Variants in SLC35H1 observed in about 807,000 individuals in gnomAD.
The protein encoded by SLC35H1 is solute carrier family 35 member H1.
At chr20:46,355,216 A>G in the SLC35H1 span, 3 of 1,613,882 alleles carry the variant, frequency 1.9e-6, no homozygotes, top group Non-Finnish European at 2.5e-6. This position sits in a 1 kb window ranked among gnomAD's most constrained non-coding sequence, Gnocchi z 4.8. Context: ...GGCGATGAGG[A>G]GGACCACCAG....
the SLC35H1 span, chr20:46,356,567 T>C: frequency 1.2e-6 from 2 of 1,613,848 alleles, no homozygotes; most frequent in Non-Finnish European, 1.7e-6. Context: ...GCATGGCCAG[T>C]ACTCACAGCG....
At chr20:46,355,484 G>T in the SLC35H1 span, 4 of 624,708 alleles carry the variant, frequency 6.4e-6, no homozygotes, top group Non-Finnish European at 1.1e-5. The surrounding 1 kb of genome is among the most constrained non-coding windows in gnomAD (Gnocchi z 4.8). Context: ...GCTGTCCTAG[G>T]CCCCCAAGTG....
the SLC35H1 span, chr20:46,358,955 T>C: frequency 1.7e-6 from 1 of 602,762 alleles, no homozygotes; most frequent in South Asian, 1.9e-5. Context: ...GCCACCAAAG[T>C]GACCTTTTAA....
At chr20:46,353,649 G>A in the SLC35H1 span, among the ~76,000 whole-genome samples, 2 of 152,212 alleles carry the variant, frequency 1.3e-5, no homozygotes, top group Non-Finnish European at 2.9e-5. Context: ...GGGAAGAGCA[G>A]CATAAGTAAT....
the SLC35H1 span, among the ~76,000 whole-genome samples, chr20:46,353,970 C>G: frequency 3.3e-5 from 5 of 151,952 alleles, no homozygotes; most frequent in Non-Finnish European, 7.4e-5. Context: ...GGATGTGGGA[C>G]AGAATTTTCT....
chr20:46,355,960 A>G, the SLC35H1 span: 2 of 1,584,670 alleles, frequency 1.3e-6, no homozygotes, highest in Non-Finnish European at 1.7e-6. This position sits in a 1 kb window ranked among gnomAD's most constrained non-coding sequence, Gnocchi z 4.8. Context: ...CAAATCACTG[A>G]GCGAAATGAC....
the SLC35H1 span, chr20:46,358,295 C>T: frequency 1.5e-5 from 18 of 1,199,952 alleles, no homozygotes; most frequent in South Asian, 1.7e-4. Flanking sequence ...CTGGTTGAAG[C>T]TTGTGCCTTC....
the SLC35H1 span, chr20:46,356,617 C>G: frequency 1.4e-4 from 227 of 1,613,882 alleles, no homozygotes; most frequent in Non-Finnish European, 1.8e-4. Flanking sequence ...GACAAGCCCA[C>G]GTCAAGCGCC....
chr20:46,351,894 A>C, the SLC35H1 span, among the ~76,000 whole-genome samples: 1 of 152,212 alleles, frequency 6.6e-6, no homozygotes, highest in South Asian at 2.1e-4. Context: ...AGGAGGGGCC[A>C]GCACAGCACT....
the SLC35H1 span, chr20:46,346,753 G>A: frequency 6.6e-6 from 1 of 152,222 alleles, no homozygotes; most frequent in Non-Finnish European, 1.5e-5. Flanking sequence ...AGGCATGGTG[G>A]TGGGTGCCTG....
chr20:46,351,013 T>C, the SLC35H1 span: 1 of 1,298,160 alleles, frequency 7.7e-7, no homozygotes, highest in Non-Finnish European at 1.1e-6. Flanking sequence ...ACTGAAATCC[T>C]GGGCCCAGGC....
At chr20:46,357,679 T>C in the SLC35H1 span, 7 of 1,614,000 alleles carry the variant, frequency 4.3e-6, no homozygotes, top group African/African-American at 6.7e-5. Context: ...ACGGGCCCTG[T>C]GGCTGGAGCA....
the SLC35H1 span, chr20:46,357,731 C>CG: frequency 6.2e-7 from 1 of 1,614,084 alleles, no homozygotes; most frequent in Non-Finnish European, 8.5e-7. Context: ...AGGAAGATCA[C>CG]GGCCAGGTGC....
chr20:46,361,705 A>G, the SLC35H1 span, among the ~76,000 whole-genome samples: 2 of 152,154 alleles, frequency 1.3e-5, no homozygotes, highest in Non-Finnish European at 2.9e-5. Context: ...ATACCCAAGA[A>G]ATGTCTCTAG....
At chr20:46,357,925 C>T in the SLC35H1 span, 1 of 800,406 alleles carries the variant, frequency 1.2e-6, no homozygotes, top group African/African-American at 1.7e-5. Flanking sequence ...GTTACGGTAT[C>T]ATCGCTTGGA....
the SLC35H1 span, among the ~76,000 whole-genome samples, chr20:46,362,159 G>A: frequency 6.6e-5 from 10 of 152,232 alleles, no homozygotes; most frequent in African/African-American, 2.4e-4. Context: ...AGATCATCTA[G>A]GCACTTAATG....
the SLC35H1 span, chr20:46,357,834 CCCTCTT>C: frequency 6.3e-7 from 1 of 1,587,878 alleles, no homozygotes; most frequent in Non-Finnish European, 8.6e-7. Context: ...CCCACCGGCT[CCCTCTT>C]CCTCTTCGCC....
the SLC35H1 span, chr20:46,355,278 G>A: frequency 3.8e-6 from 6 of 1,577,798 alleles, no homozygotes; most frequent in Non-Finnish European, 5.2e-6. This position sits in a 1 kb window ranked among gnomAD's most constrained non-coding sequence, Gnocchi z 4.8. Context: ...TAACTCGGGG[G>A]TCTTGAGGGT....
the SLC35H1 span, among the ~76,000 whole-genome samples, chr20:46,360,603 G>A: frequency 6.6e-6 from 1 of 152,056 alleles, no homozygotes; most frequent in African/African-American, 2.4e-5. Context: ...GGAGTGCAAT[G>A]GTATAATCTC....
Sources: gnomAD v4.1 joint callset for allele counts (sites outside exome capture counted in the v4.1 genomes callset) on GRCh38, gnomAD v4.1.1 for gene constraint, Gnocchi (gnomAD v3.1) non-coding constraint, MANE v1.5 for transcripts, NCBI Gene and HGNC (gene_info 2026-07-23, HGNC 2026-07-21) for gene names.